SLIT2: variants seen among roughly 807,000 people sequenced by gnomAD.
SLIT2 encodes the protein slit guidance ligand 2, also known as slit homolog 2 protein.
SLIT2 carries 41 observed loss-of-function variants against 185.7 expected under a neutral mutation model. The ratio of observed to expected loss-of-function variants is 0.22; its 90% confidence interval spans 0.17 to 0.29. The LOEUF is 0.29. Ranked by LOEUF, SLIT2 falls within the 10% of genes least tolerant of loss-of-function variation. The pLI, the probability that SLIT2 is intolerant of heterozygous loss-of-function variation, is 1.00. For synonymous variants in SLIT2, 693 were observed against 680.2 expected, an observed-to-expected ratio of 1.02 and a Z score of -0.29; for missense variants, 1,571 against 1,909.0, an observed-to-expected ratio of 0.82 and a Z score of 3.30.
intron 5 of SLIT2, among the ~76,000 whole-genome samples, chr4:20,473,981 T>C (rs773294025): frequency 6.6e-6 from 1 of 151,890 alleles, no homozygotes; most frequent in Non-Finnish European, 1.5e-5. Context: ...CAGCTGTACA[T>C]GTCCGTGCCC....
chr4:20,535,179 G>A (rs6848492), intron 18 of SLIT2, among the ~76,000 whole-genome samples: 15,698 of 151,822 alleles, frequency 0.1, 1,014 homozygotes, highest in East Asian at 0.25. Flanking sequence ...CATGCCTGTA[G>A]TCCCAGCTAC....
intron 33 of SLIT2, among the ~76,000 whole-genome samples, chr4:20,607,118 G>A (rs891932206): frequency 4.6e-5 from 7 of 152,056 alleles, no homozygotes; most frequent in Admixed American, 2.6e-4. Flanking sequence ...TTAGTACCTG[G>A]CCCTTAGTAT....
intron 4 of SLIT2, among the ~76,000 whole-genome samples, chr4:20,331,366 C>A (rs984579324): frequency 1.3e-5 from 2 of 152,076 alleles, no homozygotes; most frequent in African/African-American, 4.8e-5. Context: ...ATTGATTGAT[C>A]TTCAGGAGTA....
chr4:20,418,305 T>C (rs756307292), intron 4 of SLIT2, among the ~76,000 whole-genome samples: 1 of 152,198 alleles, frequency 6.6e-6, no homozygotes, highest in Non-Finnish European at 1.5e-5. Context: ...GAGACAAGGA[T>C]TCAAAATGTA....
intron 9 of SLIT2, among the ~76,000 whole-genome samples, chr4:20,508,963 T>C (rs1411362038): frequency 1.3e-5 from 2 of 152,070 alleles, no homozygotes; most frequent in African/African-American, 4.8e-5. Flanking sequence ...GGCAATTTCA[T>C]TTAATGTCCT....
chr4:20,362,611 GT>G (rs1351139775), intron 4 of SLIT2, among the ~76,000 whole-genome samples: 4 of 151,410 alleles, frequency 2.6e-5, no homozygotes, highest in Admixed American at 6.6e-5. Context: ...ATTCTGTGCT[GT>G]TTTACTTTTT....
At chr4:20,371,185 C>G (rs1423379705) in intron 4 of SLIT2, among the ~76,000 whole-genome samples, 1 of 151,992 alleles carries the variant, frequency 6.6e-6, no homozygotes, top group East Asian at 1.9e-4. Flanking sequence ...ATAAAGGTCC[C>G]TCTGCACACT....
At chr4:20,590,124 C>G (rs983719010) in intron 30 of SLIT2, among the ~76,000 whole-genome samples, 6 of 152,040 alleles carry the variant, frequency 3.9e-5, no homozygotes, top group Admixed American at 3.9e-4. Context: ...CCAGGATGGT[C>G]TCGATCTCCT....
chr4:20,391,361 G>A (rs1488535584), intron 4 of SLIT2, among the ~76,000 whole-genome samples: 1 of 152,014 alleles, frequency 6.6e-6, no homozygotes, highest in East Asian at 1.9e-4. Flanking sequence ...AACAGTCAGG[G>A]AAATACACAC....
chr4:20,542,174 G>A (rs370660818), intron 20 of SLIT2, among the ~76,000 whole-genome samples: 23 of 152,086 alleles, frequency 1.5e-4, no homozygotes, highest in East Asian at 7.7e-4. Flanking sequence ...TTTCCGTGCC[G>A]TTTCTCTGTA....
intron 30 of SLIT2, among the ~76,000 whole-genome samples, chr4:20,593,934 T>TA (rs1727717834): frequency 6.6e-6 from 1 of 151,264 alleles, no homozygotes; most frequent in Non-Finnish European, 1.5e-5. Flanking sequence ...CATATATACA[T>TA]ACACTGCTAC....
chr4:20,368,688 A>G (rs1413358529), intron 4 of SLIT2, among the ~76,000 whole-genome samples: 2 of 152,156 alleles, frequency 1.3e-5, no homozygotes, highest in East Asian at 1.9e-4. Context: ...AATTTGAAAA[A>G]GTAAAGAATG....
intron 8 of SLIT2, chr4:20,490,825 A>C (rs1717719728): frequency 1.3e-6 from 2 of 1,518,992 alleles, no homozygotes; most frequent in South Asian, 2.4e-5. Context: ...GCAAGTTCAC[A>C]TTTCTTTTTT....
chr4:20,350,765 G>A (rs1360138050), intron 4 of SLIT2, among the ~76,000 whole-genome samples: 1 of 152,110 alleles, frequency 6.6e-6, no homozygotes, highest in Non-Finnish European at 1.5e-5. Context: ...GCCAAAACAG[G>A]AGGATCACTT....
chr4:20,378,282 A>T (rs566697509), intron 4 of SLIT2, among the ~76,000 whole-genome samples: 1 of 152,290 alleles, frequency 6.6e-6, no homozygotes, highest in African/African-American at 2.4e-5. Flanking sequence ...TGTATTCTTT[A>T]TTTGAGGAGT....
At chr4:20,549,818 A>G (rs1723583456) in intron 24 of SLIT2, among the ~76,000 whole-genome samples, 1 of 152,026 alleles carries the variant, frequency 6.6e-6, no homozygotes, top group Non-Finnish European at 1.5e-5. Context: ...ACTGGTAGAG[A>G]CTGTTGTATT....
rs1717058458 is a variant in SLIT2 at position 20,484,905 on chromosome 4, C to T, written c.540-1295C>T. Among the ~76,000 whole-genome samples, 1 of 152,098 alleles carries T rather than the reference C, an allele frequency of 6.6e-6. No homozygotes were observed. The highest frequency in any genetic ancestry group is 2.4e-5 in the African/African-American group (1 of 41,428). On this transcript the variant is annotated intron_variant, in intron 6 of 36. Coordinates refer to ENST00000504154, the MANE Select transcript of SLIT2 (RefSeq NM_004787.4). This position sits in a 1 kb window ranked among gnomAD's most constrained non-coding sequence, Gnocchi z 4.3. ...ACATTCCCCAAATGTCTGCTTTCTT[C>T]CATCTCTCTTGCCCATCATTGTATA...
At chr4:20,518,589 T>A (rs75095323) in intron 11 of SLIT2, among the ~76,000 whole-genome samples, 147 of 6,080 alleles carry the variant, frequency 0.024, no homozygotes, top group South Asian at 0.049. Flanking sequence ...ATATATATAT[T>A]TTTTTTTTTT....
intron 5 of SLIT2, among the ~76,000 whole-genome samples, chr4:20,476,153 A>C (rs544471424): frequency 6.6e-6 from 1 of 152,260 alleles, no homozygotes; most frequent in East Asian, 1.9e-4. Context: ...ACTCTATATC[A>C]TAATTTATAT....
Sources: allele counts gnomAD v4.1 joint callset (sites outside exome capture counted in the v4.1 genomes callset), GRCh38; gene constraint gnomAD v4.1.1; non-coding constraint Gnocchi (gnomAD v3.1); transcripts MANE v1.5; gene names NCBI Gene and HGNC (gene_info 2026-07-23, HGNC 2026-07-21).